RPRD2: variants seen among roughly 807,000 people sequenced by gnomAD.
RPRD2 encodes the protein regulation of nuclear pre-mRNA domain containing 2.
A neutral mutation model predicts 104.4 loss-of-function variants in RPRD2; 12 were observed. That is an observed-to-expected ratio of 0.11 (90% CI 0.07 to 0.19). The LOEUF is 0.19. RPRD2 is among the 10% of genes least tolerant of loss of function. The pLI is 1.00. For synonymous variants in RPRD2, 714 were observed against 684.9 expected (o/e 1.04, Z -0.66); for missense variants, 1,543 against 1,790.1 (o/e 0.86, Z 2.49).
chr1:150,444,340 G>A lies in RPRD2; in HGVS notation c.657G>A (p.Val219=), dbSNP rs782704599. The change falls in exon 6 of 11, where the codon GTG becomes GTA. Residue 219 remains valine, a synonymous_variant. Transcript: ENST00000369068. ...AAAAGCAGTTGTCAACTATGAGGGT[G>A]GATGTGTGCAGCACAGAAACTCTCA... ...LKEKQLSTMR[V]DVCSTETLKC... is the part of the protein sequence containing the mutation. 47 of 1,613,744 alleles carry A rather than the reference G, an allele frequency of 2.9e-5. No individual in the cohort carries two copies. The South Asian group carries it at 4.9e-4, about 17-fold the overall frequency.
chr1:150,458,056 G>A (rs868919424), intron 8 of RPRD2, among the ~76,000 whole-genome samples: 1 of 152,132 alleles, frequency 6.6e-6, no homozygotes, highest in South Asian at 2.1e-4. Flanking sequence ...GAGACAGAGC[G>A]AGACTCCGTC....
rs587686516 is a variant in RPRD2, at chr1:150,387,294, T to G, written c.205+22375T>G. Among the ~76,000 whole-genome samples, 25 of 152,280 alleles carry G rather than the reference T, an allele frequency of 1.6e-4. 1 individual carries two copies. The South Asian group carries it at 3.9e-3, about 24-fold the overall frequency. ...ATAAGCACTTCAGACCACAGTGTGTTAAGTGAGAAGAGAATAGGGCCAATG... is the reference window on the plus strand; with the variant it reads ...ATAAGCACTTCAGACCACAGTGTGTGAAGTGAGAAGAGAATAGGGCCAATG... On this transcript the variant is annotated intron_variant, in intron 1 of 10. Transcript: ENST00000369068.
intron 7 of RPRD2, among the ~76,000 whole-genome samples, chr1:150,454,802 C>T (rs201196368): frequency 6.6e-4 from 100 of 152,130 alleles, no homozygotes; most frequent in African/African-American, 2.2e-3. Flanking sequence ...GAGCTCTGAT[C>T]GTGCCACTAC....
intron 1 of RPRD2, among the ~76,000 whole-genome samples, chr1:150,395,347 T>C (rs1553883975): frequency 1.4e-5 from 2 of 146,128 alleles, no homozygotes; most frequent in Non-Finnish European, 3.0e-5. Flanking sequence ...TTCCTTTTCA[T>C]GGCTGAGTAG....
At chr1:150,399,832 G>C (rs1388554251) in intron 1 of RPRD2, among the ~76,000 whole-genome samples, 2 of 151,922 alleles carry the variant, frequency 1.3e-5, no homozygotes, top group African/African-American at 2.4e-5. Context: ...AAATCAGGTA[G>C]TATGCATCTT....
intron 2 of RPRD2, among the ~76,000 whole-genome samples, chr1:150,438,544 G>A (rs1485779268): frequency 1.7e-4 from 26 of 151,796 alleles, no homozygotes; most frequent in African/African-American, 4.3e-4. Context: ...CAGGAAAATC[G>A]TTTGAACCCA....
At chr1:150,465,439 C>A (rs1668203029) in intron 10 of RPRD2, among the ~76,000 whole-genome samples, 1 of 152,096 alleles carries the variant, frequency 6.6e-6, no homozygotes, top group Non-Finnish European at 1.5e-5. Context: ...TATTTATCAT[C>A]TATGAGCTGA....
In RPRD2 at chr1:150,460,073, G is replaced by A. The variant is rs201970246; in HGVS notation, c.1167G>A (p.Lys389=). The A allele has an allele frequency of 9.9e-6, 16 of 1,613,882 alleles. No homozygotes were observed. In the Admixed American group the frequency reaches 1.3e-4, roughly 13 times the overall value. ...DGSKIIVEDR[K]EKPAEKSAVS... is the part of the protein sequence containing the mutation. The stretch of plus-strand genomic sequence containing the variant: ...TTGTTGAAACAGTCGAGGACAGGAA[G>A]GAAAAACCTGCAGAGAAGTCAGCTG... The change falls in exon 9 of 11, where the codon AAG becomes AAA. Residue 389 remains lysine, a synonymous_variant. Coordinates refer to ENST00000369068, the MANE Select transcript of RPRD2 (RefSeq NM_015203.5).
intron 2 of RPRD2, among the ~76,000 whole-genome samples, chr1:150,420,126 G>A (rs782125660): frequency 9.9e-5 from 15 of 152,110 alleles, no homozygotes; most frequent in Non-Finnish European, 1.9e-4. Flanking sequence ...TTGTGAATAA[G>A]AACAACAATA....
chr1:150,430,800 A>G (rs996760733), intron 2 of RPRD2, among the ~76,000 whole-genome samples: 2 of 152,022 alleles, frequency 1.3e-5, no homozygotes, highest in Non-Finnish European at 2.9e-5. Context: ...CTGGTGGCGC[A>G]TGCCTGTAAT....
At position 150,431,473 on chromosome 1, in the gene RPRD2, A is replaced by ATTTTTTTTTTTTTTTTTTTTTTTTTTTT. The variant is rs1160491386; in HGVS notation, c.336-9426_336-9425insTTTTTTTTTTTTTTTTTTTTTTTTTTTT. ...TATTATTCAGTCTTAAAAAGGAAGG[A>ATTTTTTTTTTTTTTTTTTTTTTTTTTTT]TTTTTTTTTTTTTTTTTTTTTTTTG... On this transcript the variant is annotated intron_variant, in intron 2 of 10. Coordinates refer to ENST00000369068, the MANE Select transcript of RPRD2 (RefSeq NM_015203.5). Among the ~76,000 whole-genome samples, 74 of 78,828 alleles carry ATTTTTTTTTTTTTTTTTTTTTTTTTTTT rather than the reference A, an allele frequency of 9.4e-4. 5 individuals are homozygous for ATTTTTTTTTTTTTTTTTTTTTTTTTTTT. Among genetic ancestry groups the ATTTTTTTTTTTTTTTTTTTTTTTTTTTT allele is most frequent in the South Asian group, 2.5e-3 (4 of 1,612 alleles). 51.7% of individuals were successfully genotyped at this position (78,828 alleles called of 152,430 possible).
At chr1:150,468,188 T>C (rs1365302365) in intron 10 of RPRD2, among the ~76,000 whole-genome samples, 2 of 152,004 alleles carry the variant, frequency 1.3e-5, no homozygotes, top group Non-Finnish European at 2.9e-5. Context: ...TGACTTGTTA[T>C]GATTAAAGAG....
chr1:150,391,993 C>T (rs1553883247), intron 1 of RPRD2, among the ~76,000 whole-genome samples: 1 of 151,790 alleles, frequency 6.6e-6, no homozygotes, highest in East Asian at 1.9e-4. Flanking sequence ...TGGTGGTGTG[C>T]TGTTAAGAAA....
intron 1 of RPRD2, among the ~76,000 whole-genome samples, chr1:150,366,283 TTTG>T (rs1659836628): frequency 6.6e-6 from 1 of 152,260 alleles, no homozygotes; most frequent in Admixed American, 6.5e-5. Flanking sequence ...AGTGTTTTGA[TTTG>T]TTTACCTTTT....
At chr1:150,450,290 A>G (rs587711046) in intron 7 of RPRD2, among the ~76,000 whole-genome samples, 1 of 152,254 alleles carries the variant, frequency 6.6e-6, no homozygotes, top group South Asian at 2.1e-4. Context: ...ACTCTTCTAC[A>G]TAACCATCAG....
intron 1 of RPRD2, among the ~76,000 whole-genome samples, chr1:150,375,318 T>C (rs1660614759): frequency 6.6e-6 from 1 of 152,172 alleles, no homozygotes; most frequent in South Asian, 2.1e-4. Flanking sequence ...GTAAATTTTG[T>C]AGCAAATAAA....
Position 150,446,510 on chromosome 1 carries a change from C to T in RPRD2, c.870+109C>T, listed in dbSNP as rs74383853. 5.6e-5 allele frequency: 54 copies of T among 968,880 alleles called. No individual in the cohort carries two copies. The Middle Eastern group carries it at 7.4e-4, about 13-fold the overall frequency. The allele number at this position is 968,880 out of a possible 1,614,324, so 60.0% of individuals were successfully genotyped here. On this transcript the variant is annotated intron_variant, in intron 7 of 10. Transcript: ENST00000369068. ...AGGATATGCATTTTTATCTCCTTATCGCAGATGAAATTACTTTTGGGATAG... is the reference window on the plus strand; with the variant it reads ...AGGATATGCATTTTTATCTCCTTATTGCAGATGAAATTACTTTTGGGATAG...
intron 1 of RPRD2, among the ~76,000 whole-genome samples, chr1:150,368,127 C>T (rs1263395251): frequency 6.6e-6 from 1 of 151,538 alleles, no homozygotes; most frequent in African/African-American, 2.4e-5. Context: ...TCTTCACATC[C>T]TGCCTCCTTC....
intron 1 of RPRD2, among the ~76,000 whole-genome samples, chr1:150,368,910 G>A (rs1006048945): frequency 6.6e-6 from 1 of 151,992 alleles, no homozygotes; most frequent in Non-Finnish European, 1.5e-5. Context: ...ACCCGGCTTC[G>A]CTTTATTTCA....
Sources: allele counts gnomAD v4.1 joint callset (sites outside exome capture counted in the v4.1 genomes callset), GRCh38; gene constraint gnomAD v4.1.1; transcripts MANE v1.5; gene names NCBI Gene and HGNC (gene_info 2026-07-23, HGNC 2026-07-21).